The following ARHGAP24 variants were observed in gnomAD, a reference collection of about 807,000 sequenced individuals.
The protein encoded by ARHGAP24 is rho GTPase-activating protein 24.
In ARHGAP24, 50 loss-of-function variants were observed where a neutral mutation model predicts 76.4. The observed-to-expected ratio is 0.65, with a 90% CI of 0.52 to 0.83. ARHGAP24 has a LOEUF of 0.83. Among genes scored for constraint, ARHGAP24 ranks in the 40% least tolerant of loss-of-function variants. The pLI, the probability that ARHGAP24 is intolerant of heterozygous loss-of-function variation, is 0.00. For synonymous variants in ARHGAP24, 345 were observed against 323.3 expected, an observed-to-expected ratio of 1.07 and a Z score of -0.72; for missense variants, 930 against 914.2, an observed-to-expected ratio of 1.02 and a Z score of -0.22.
intron 1 of ARHGAP24, 126 bp from the exon 2 acceptor site, chr4:85,570,382 CTTTCTTTCTTTCTT>C: frequency 0.023 from 386 of 16,616 alleles, 45 homozygotes; most frequent in East Asian, 0.067. Context: ...TTCTTTCTTT[CTTTCTTTCTTTCTT>C]TCTTTCTTTC....
chr4:85,903,843 C>G (rs548812658), intron 3 of ARHGAP24, among the ~76,000 whole-genome samples: 155 of 152,122 alleles, frequency 1.0e-3, no homozygotes, highest in Non-Finnish European at 2.0e-3. Flanking sequence ...CCATAAAACA[C>G]AAGTCTTTTG....
intron 5 of ARHGAP24, among the ~76,000 whole-genome samples, chr4:85,964,196 A>C (rs1010287305): frequency 6.6e-6 from 1 of 152,136 alleles, no homozygotes; most frequent in African/African-American, 2.4e-5. Context: ...GAGAATCACC[A>C]ATCACTGTTA....
In ARHGAP24 at chr4:85,546,076, A is replaced by G. The variant is rs556595578; in HGVS notation, c.-20-24446A>G. ...TTTTTGTACCTTAGTTTCCCTGCCT[A>G]TAAAGTGGAAATAATAATAGTACAT... On this transcript the variant is annotated intron_variant, in intron 1 of 9. Transcript: ENST00000395184. Among the ~76,000 whole-genome samples, 4 of 152,282 alleles carry G rather than the reference A, an allele frequency of 2.6e-5. No homozygotes were observed. The South Asian group carries it at 8.3e-4, about 32-fold the overall frequency.
chr4:85,821,224 T>C (rs1729456461), intron 3 of ARHGAP24, among the ~76,000 whole-genome samples: 1 of 152,198 alleles, frequency 6.6e-6, no homozygotes, highest in Admixed American at 6.5e-5. Context: ...TAATTTTCTT[T>C]AATATTAAGA....
At chr4:85,655,848 G>GAGAGAGAGAGAGAGAC (rs1560571885) in intron 2 of ARHGAP24, among the ~76,000 whole-genome samples, 3 of 67,628 alleles carry the variant, frequency 4.4e-5, no homozygotes, top group African/African-American at 1.8e-4. Context: ...GAGAGAGACA[G>GAGAGAGAGAGAGAGAC]AGAGGAAGTT....
chr4:85,750,696 A>T (rs1726228103), intron 3 of ARHGAP24, among the ~76,000 whole-genome samples: 1 of 151,344 alleles, frequency 6.6e-6, no homozygotes, highest in Non-Finnish European at 1.5e-5. Context: ...GCATTTCACC[A>T]TGTTGCCCAG....
At chr4:85,826,957 T>A (rs962060067) in intron 3 of ARHGAP24, among the ~76,000 whole-genome samples, 12 of 152,244 alleles carry the variant, frequency 7.9e-5, no homozygotes, top group African/African-American at 2.9e-4. Context: ...CTTGCAAGAT[T>A]AAAAATTGTT....
At chr4:85,802,754 G>GCA (rs1378861369) in intron 3 of ARHGAP24, among the ~76,000 whole-genome samples, 1 of 152,142 alleles carries the variant, frequency 6.6e-6, no homozygotes, top group Non-Finnish European at 1.5e-5. Context: ...CCGCACCATT[G>GCA]CACTCCAACC....
chr4:86,002,523 C>G lies in ARHGAP24; in HGVS notation c.*1801C>G, dbSNP rs1741070047. 1 of 147,562 alleles carries G rather than the reference C, an allele frequency of 6.8e-6. No individual in the cohort carries two copies. The highest frequency in any genetic ancestry group is 1.5e-5 in the Non-Finnish European group (1 of 67,460). The allele number at this position is 147,562 out of a possible 1,614,324, so 9.1% of individuals were successfully genotyped here. ...AAAAACCTCAGACTCATCCAGAAAG[C>G]TATATGATGCACTAGTAAAAAAAAC... is the stretch of plus-strand genomic sequence containing the variant. On this transcript the variant is annotated 3_prime_UTR_variant, in exon 10 of 10. Transcript: ENST00000395184.
intron 2 of ARHGAP24, among the ~76,000 whole-genome samples, chr4:85,591,034 T>G (rs1213254235): frequency 1.3e-4 from 3 of 22,288 alleles, no homozygotes; most frequent in Non-Finnish European, 1.8e-4. Context: ...CTGCTGGGTT[T>G]TTTTTTTTTT....
intron 1 of ARHGAP24, among the ~76,000 whole-genome samples, chr4:85,568,043 T>C (rs1015110925): frequency 6.6e-6 from 1 of 152,306 alleles, no homozygotes; most frequent in African/African-American, 2.4e-5. Context: ...CGGTCAGACT[T>C]ATAAACAACA....
chr4:85,792,004 A>C (rs1347423937), intron 3 of ARHGAP24, among the ~76,000 whole-genome samples: 4 of 152,128 alleles, frequency 2.6e-5, no homozygotes, highest in African/African-American at 9.7e-5. Context: ...AGGAAGCAAA[A>C]ACGATACTGA....
intron 1 of ARHGAP24, among the ~76,000 whole-genome samples, chr4:85,566,175 T>C (rs1458486280): frequency 6.6e-6 from 1 of 152,248 alleles, no homozygotes; most frequent in African/African-American, 2.4e-5. Flanking sequence ...ATTATTACTT[T>C]GTTCATTGTT....
intron 2 of ARHGAP24, among the ~76,000 whole-genome samples, chr4:85,678,806 G>A (rs756491753): frequency 6.6e-6 from 1 of 152,142 alleles, no homozygotes; most frequent in Non-Finnish European, 1.5e-5. Context: ...AGTTGAAACA[G>A]GATCTTTCCT....
intron 1 of ARHGAP24, among the ~76,000 whole-genome samples, chr4:85,477,668 GTATGAT>G: frequency 6.6e-6 from 1 of 152,286 alleles, no homozygotes; most frequent in Non-Finnish European, 1.5e-5. Flanking sequence ...AGTAGTCCGA[GTATGAT>G]TACTTTGCTG....
At chr4:85,790,248 C>T (rs1166566961) in intron 3 of ARHGAP24, among the ~76,000 whole-genome samples, 1 of 152,124 alleles carries the variant, frequency 6.6e-6, no homozygotes, top group African/African-American at 2.4e-5. Context: ...TTATACCTCT[C>T]GGACTGTCTC....
intron 2 of ARHGAP24, among the ~76,000 whole-genome samples, chr4:85,671,508 G>T (rs1175240983): frequency 8.5e-5 from 13 of 152,176 alleles, no homozygotes; most frequent in Admixed American, 8.5e-4. Flanking sequence ...AAGATGTGTG[G>T]ATGAATAGAA....
At chr4:85,957,393 T>C (rs1308974881) in intron 5 of ARHGAP24, among the ~76,000 whole-genome samples, 1 of 152,226 alleles carries the variant, frequency 6.6e-6, no homozygotes, top group Non-Finnish European at 1.5e-5. Context: ...TAAATGTCCC[T>C]GGACACAGCT....
chr4:85,962,771 T>C (rs1738339022), intron 5 of ARHGAP24, among the ~76,000 whole-genome samples: 1 of 151,432 alleles, frequency 6.6e-6, no homozygotes, highest in Non-Finnish European at 1.5e-5. Flanking sequence ...AGAATGCCCA[T>C]GTTTATTAAA....
Sources: gnomAD v4.1 joint callset for allele counts (sites outside exome capture counted in the v4.1 genomes callset) on GRCh38, gnomAD v4.1.1 for gene constraint, MANE v1.5 for transcripts, NCBI Gene and HGNC (gene_info 2026-07-23, HGNC 2026-07-21) for gene names.